The following APCDD1 variants were observed in gnomAD, a reference collection of about 807,000 sequenced individuals.
The protein encoded by APCDD1 is APC down-regulated 1.
A neutral mutation model predicts 38.1 loss-of-function variants in APCDD1; 15 were observed. The ratio of observed to expected loss-of-function variants is 0.39; its 90% CI spans 0.26 to 0.61. The LOEUF (loss-of-function observed/expected upper bound fraction) is 0.61. Among genes scored for constraint, APCDD1 ranks in the 20% least tolerant of loss-of-function variants. The pLI is 0.49. For synonymous variants in APCDD1, 261 were observed against 279.7 expected, an observed-to-expected ratio of 0.93 and a Z score of 0.67; for missense variants, 647 against 696.2, an observed-to-expected ratio of 0.93 and a Z score of 0.79.
Position 10,485,651 on chromosome 18 carries a change from T to A in APCDD1, c.964T>A (p.Trp322Arg). 3 of 1,614,120 alleles carry A rather than the reference T, an allele frequency of 1.9e-6. No homozygotes were observed. The highest frequency in any genetic ancestry group is 2.5e-6 in the Non-Finnish European group (3 of 1,180,018). Residue 322 changes from tryptophan to arginine, a missense_variant, in exon 4 of 5, where the codon TGG becomes AGG. Trp to Arg is a moderately radical substitution (Grantham distance 101, BLOSUM62 -3). Transcript: ENST00000355285. This position sits in a 1 kb window ranked among gnomAD's most constrained non-coding sequence, Gnocchi z 5.8. ...HFIFHDNNNT[W>R]EGHYYHYSDP... The stretch of plus-strand genomic sequence containing the variant: ...CATCTTCCATGACAACAACAACACC[T>A]GGGAGGGCCACTACTACCACTACTC...
chr18:10,486,285 T>C (rs1048873118), intron 4 of APCDD1, among the ~76,000 whole-genome samples: 66 of 152,126 alleles, frequency 4.3e-4, no homozygotes, highest in Admixed American at 3.3e-4. Context: ...GCCCAGGAAG[T>C]TGAGGCTACA....
intron 1 of APCDD1, among the ~76,000 whole-genome samples, chr18:10,458,797 G>A (rs951852433): frequency 7.9e-5 from 12 of 152,138 alleles, no homozygotes; most frequent in African/African-American, 1.9e-4. Flanking sequence ...TGTCTACATC[G>A]GTTGAAAGAT....
intron 1 of APCDD1, among the ~76,000 whole-genome samples, chr18:10,461,424 G>C (rs1483908561): frequency 2.0e-5 from 3 of 152,150 alleles, no homozygotes; most frequent in African/African-American, 7.2e-5. Context: ...TTTTATGGTG[G>C]AATCATTTGG....
At chr18:10,468,679 A>G (rs746098930) in intron 2 of APCDD1, 27 bp downstream of exon 2, 2 of 1,611,058 alleles carry the variant, frequency 1.2e-6, no homozygotes, top group South Asian at 1.1e-5. Context: ...GGTCTGGGAG[A>G]GGCCAGAGAG....
chr18:10,460,569 A>T (rs1057330096), intron 1 of APCDD1, among the ~76,000 whole-genome samples: 1 of 151,988 alleles, frequency 6.6e-6, no homozygotes, highest in African/African-American at 2.4e-5. Context: ...AGCAAAAAAA[A>T]CTTTATTGAA....
intron 1 of APCDD1, among the ~76,000 whole-genome samples, chr18:10,468,239 G>A (rs1251236409): frequency 6.6e-6 from 1 of 152,226 alleles, no homozygotes; most frequent in East Asian, 1.9e-4. Flanking sequence ...AGCAAGTTAT[G>A]TTGGTGATCT....
chr18:10,474,360 G>A lies in APCDD1; in HGVS notation c.774+2299G>A, dbSNP rs2030939616. 3 of 152,372 alleles carry A rather than the reference G, an allele frequency of 2.0e-5. No homozygotes were observed. In the South Asian group the frequency reaches 6.2e-4, roughly 32 times the overall value. The allele number at this position is 152,372 out of a possible 1,614,324, so 9.4% of individuals were successfully genotyped here. ...CCCGCCGTTCCCTCGGGGCCTTTGT[G>A]AAGGTCTGCTGAATAGGAAAAGCCT... On this transcript the variant is annotated intron_variant, in intron 3 of 4. Transcript: ENST00000355285.
At chr18:10,483,904 G>C in intron 3 of APCDD1, among the ~76,000 whole-genome samples, 1 of 152,252 alleles carries the variant, frequency 6.6e-6, no homozygotes, top group East Asian at 1.9e-4. Context: ...ATAGCGGAGG[G>C]ATGACCCAGG....
chr18:10,476,668 AT>A lies in APCDD1; in HGVS notation c.774+4610del, dbSNP rs1007733952. The A allele has an allele frequency of 6.6e-6, 1 of 152,190 alleles. No individual in the cohort carries two copies. The highest frequency in any genetic ancestry group is 2.4e-5 in the African/African-American group (1 of 41,424). 9.4% of individuals were successfully genotyped at this position (152,190 alleles called of 1,614,324 possible). Reference sequence around the variant, plus strand: ...GGTCTTTCTCCAAAATCCTGCACTGATTTAACCACAGGATCGTAAATCAAAG... The same window carrying A: ...GGTCTTTCTCCAAAATCCTGCACTGATTAACCACAGGATCGTAAATCAAAG... On this transcript the variant is annotated intron_variant, in intron 3 of 4. Coordinates refer to ENST00000355285, the MANE Select transcript of APCDD1 (RefSeq NM_153000.5). The surrounding 1 kb of genome is among the most constrained non-coding windows in gnomAD (Gnocchi z 5.8).
At chr18:10,482,785 A>C (rs2031169558) in intron 3 of APCDD1, among the ~76,000 whole-genome samples, 1 of 152,130 alleles carries the variant, frequency 6.6e-6, no homozygotes, top group Admixed American at 6.5e-5. Context: ...TGTCATACTA[A>C]CTTTCCATCC....
rs2030829533 is a variant in APCDD1, at chr18:10,470,682, T to A, written c.243-848T>A. ...GAGCTAACAAAAGGCTAAGGCCAGG[T>A]CATTTGGCCAGGGCTTTAAGTACCT... On this transcript the variant is annotated intron_variant, in intron 2 of 4. Transcript: ENST00000355285. This position sits in a 1 kb window ranked among gnomAD's most constrained non-coding sequence, Gnocchi z 4.1. Among the ~76,000 whole-genome samples, 1 of 152,186 alleles carries A rather than the reference T, an allele frequency of 6.6e-6. No individual in the cohort carries two copies. Among genetic ancestry groups the A allele is most frequent in the Non-Finnish European group, 1.5e-5 (1 of 68,038 alleles).
chr18:10,471,984 G>A lies in APCDD1; in HGVS notation c.697G>A (p.Gly233Ser), dbSNP rs1233170921. Reference protein sequence around the residue: ...LDHLVEELFLGDIHTDATQRM... With the variant: ...LDHLVEELFLSDIHTDATQRM... Reference sequence around the variant, plus strand: ...CCACCTGGTCGAGGAGCTCTTCCTTGGTGACATTCACACTGATGCCACCCA... The same window carrying A: ...CCACCTGGTCGAGGAGCTCTTCCTTAGTGACATTCACACTGATGCCACCCA... Residue 233 changes from glycine to serine, a missense_variant, in exon 3 of 5, where the codon GGT (glycine) becomes AGT (serine). Coordinates refer to ENST00000355285, the MANE Select transcript of APCDD1 (RefSeq NM_153000.5). The surrounding 1 kb of genome is among the most constrained non-coding windows in gnomAD (Gnocchi z 5.5). 3 of 1,613,970 alleles carry A rather than the reference G, an allele frequency of 1.9e-6. No individual in the cohort carries two copies. In the Admixed American group the frequency reaches 5.0e-5, roughly 27 times the overall value.
Position 10,489,731 on chromosome 18 carries a change from A to C in APCDD1, c.*1693A>C, listed in dbSNP as rs992031470. The C allele has an allele frequency of 1.3e-5, 2 of 152,032 alleles. No homozygotes were observed. The highest frequency in any genetic ancestry group is 3.9e-4 in the East Asian group (2 of 5,188). The allele number at this position is 152,032 out of a possible 1,614,324, so 9.4% of individuals were successfully genotyped here. A position where few individuals can be genotyped will look rare whatever the true frequency, so the allele number is the denominator to read the frequency against. On this transcript the variant is annotated 3_prime_UTR_variant, in exon 5 of 5. Transcript: ENST00000355285. ...AAAAAAAGTAACTTTATGAAATGCC[A>C]CAGCATTCAGTGTGGCATTAAGTTA...
intron 1 of APCDD1, 77 bp downstream of exon 1, chr18:10,455,116 G>A: frequency 4.6e-6 from 7 of 1,537,574 alleles, no homozygotes; most frequent in South Asian, 1.2e-5. Context: ...CGGAGGCGTC[G>A]GGTCTGGATC....
chr18:10,479,018 G>T (rs531220809), intron 3 of APCDD1, among the ~76,000 whole-genome samples: 3 of 152,268 alleles, frequency 2.0e-5, no homozygotes, highest in South Asian at 4.1e-4. Context: ...AGAACCCTGT[G>T]CAACTCTCTC....
At position 10,454,794 on chromosome 18, in the gene APCDD1, G is replaced by C. The variant is rs2030323171; in HGVS notation, c.-188G>C. 1 of 981,016 alleles carries C rather than the reference G, an allele frequency of 1.0e-6. No homozygotes were observed. The allele number at this position is 981,016 out of a possible 1,614,324, so 60.8% of individuals were successfully genotyped here. A position where few individuals can be genotyped will look rare whatever the true frequency, so the allele number is the denominator to read the frequency against. On this transcript the variant is annotated 5_prime_UTR_variant, in exon 1 of 5. Transcript: ENST00000355285. ...GCCGGGGCGCCCACAGCCGCCCGAC[G>C]GCGCCCAGAGAGCGCGCGCCCCGCA... is the stretch of plus-strand genomic sequence containing the variant.
chr18:10,486,314 A>C (rs1045575696), intron 4 of APCDD1, among the ~76,000 whole-genome samples: 1 of 152,162 alleles, frequency 6.6e-6, no homozygotes, highest in Non-Finnish European at 1.5e-5. Flanking sequence ...TGATCATGCC[A>C]CTGTACTCCA....
chr18:10,461,771 A>G (rs1025396521), intron 1 of APCDD1, among the ~76,000 whole-genome samples: 3 of 152,122 alleles, frequency 2.0e-5, no homozygotes, highest in African/African-American at 4.8e-5. Flanking sequence ...TTTTTTGCAG[A>G]TTCACTCGCA....
intron 3 of APCDD1, among the ~76,000 whole-genome samples, chr18:10,473,907 T>A (rs564058169): frequency 6.0e-5 from 9 of 151,092 alleles, no homozygotes; most frequent in African/African-American, 2.2e-4. Flanking sequence ...CTGAGTATAG[T>A]CTAGCCACCT....
Sources: allele counts gnomAD v4.1 joint callset (sites outside exome capture counted in the v4.1 genomes callset), GRCh38; gene constraint gnomAD v4.1.1; non-coding constraint Gnocchi (gnomAD v3.1); transcripts MANE v1.5; gene names NCBI Gene and HGNC (gene_info 2026-07-23, HGNC 2026-07-21).